STK10: variants seen among roughly 807,000 people sequenced by gnomAD.
STK10 encodes serine/threonine kinase 10.
STK10 carries 78 observed loss-of-function variants against 113.8 expected under a neutral mutation model. The observed-to-expected ratio is 0.69, with a 90% CI of 0.57 to 0.83. STK10 has a LOEUF of 0.83. Among genes scored for constraint, STK10 ranks in the 40% least tolerant of loss-of-function variants. The pLI is 0.00. For synonymous variants in STK10, 465 were observed against 494.7 expected (o/e 0.94, Z 0.80); for missense variants, 1,109 against 1,280.1 (o/e 0.87, Z 2.04).
At chr5:172,128,221 CAAAAAAAAA>C (rs35298910) in intron 2 of STK10, among the ~76,000 whole-genome samples, 131 of 77,260 alleles carry the variant, frequency 1.7e-3, no homozygotes, top group African/African-American at 1.4e-3. Context: ...GACTCCGTCT[CAAAAAAAAA>C]AAAAAAAAAA....
At chr5:172,091,128 C>T (rs887059732) in intron 9 of STK10, among the ~76,000 whole-genome samples, 1 of 152,080 alleles carries the variant, frequency 6.6e-6, no homozygotes, top group Admixed American at 6.6e-5. Context: ...ACATGGCAGG[C>T]ACACAGAGCA....
chr5:172,102,356 G>A (rs571859914), intron 7 of STK10, among the ~76,000 whole-genome samples: 41 of 152,310 alleles, frequency 2.7e-4, no homozygotes, highest in Non-Finnish European at 4.7e-4. Flanking sequence ...GCCATCGGCC[G>A]AGATGGGAAA....
intron 16 of STK10, 57 bp from the exon 17 acceptor site, chr5:172,054,751 G>C (rs1324471025): frequency 1.9e-6 from 3 of 1,599,256 alleles, no homozygotes; most frequent in Admixed American, 1.7e-5. Context: ...GGTTGGGTAG[G>C]GAGCCCCACT....
Position 172,090,305 on chromosome 5 carries a change from C to T in STK10, c.1612G>A (p.Val538Met). Residue 538 changes from valine (V) to methionine (M), a missense_variant, in exon 10 of 19, where the codon GTG (valine) becomes ATG (methionine). Transcript: ENST00000176763. Reference sequence around the variant, plus strand: ...TTGGAGGTGGTGATGCTCACCTCCACACCATCCACCACAAATTTGCGTGTC... The same window carrying T: ...TTGGAGGTGGTGATGCTCACCTCCATACCATCCACCACAAATTTGCGTGTC... The part of the protein sequence containing the change: ...KRTRKFVVDG[V>M]EVSITTSKII... The T allele has an allele frequency of 1.9e-6, 3 of 1,614,108 alleles. No individual in the cohort carries two copies. The highest frequency in any genetic ancestry group is 1.3e-5 in the African/African-American group (1 of 75,030).
chr5:172,048,835 C>CA (rs1767561240), intron 18 of STK10, among the ~76,000 whole-genome samples: 1 of 152,084 alleles, frequency 6.6e-6, no homozygotes, highest in African/African-American at 2.4e-5. Flanking sequence ...GCAGGCCCCC[C>CA]ACCCCTCTGA....
intron 2 of STK10, among the ~76,000 whole-genome samples, chr5:172,148,131 C>T (rs1770122959): frequency 6.6e-6 from 1 of 152,170 alleles, no homozygotes. Context: ...GGGTTTCCAA[C>T]CCTGGACACA....
intron 10 of STK10, among the ~76,000 whole-genome samples, chr5:172,086,960 T>C (rs1188748648): frequency 6.6e-6 from 1 of 152,136 alleles, no homozygotes; most frequent in Admixed American, 6.5e-5. Context: ...AGAACTTCAA[T>C]TGCCCAGAGG....
At chr5:172,061,394 TGGA>T (rs1389288502) in intron 13 of STK10, 126 bp from the exon 14 acceptor site, 1 of 1,382,672 alleles carries the variant, frequency 7.2e-7, no homozygotes, top group Non-Finnish European at 9.6e-7. Flanking sequence ...AAGAAATTGG[TGGA>T]GGAGAAATTT....
chr5:172,090,711 C>T (rs1053590544), intron 9 of STK10, among the ~76,000 whole-genome samples: 2 of 151,890 alleles, frequency 1.3e-5, no homozygotes, highest in Middle Eastern at 3.4e-3. Context: ...CCGAGGCAGG[C>T]GGATCACAAG....
At chr5:172,131,031 T>TG (rs1409953709) in intron 2 of STK10, among the ~76,000 whole-genome samples, 1 of 133,860 alleles carries the variant, frequency 7.5e-6, no homozygotes, top group Non-Finnish European at 1.6e-5. Context: ...TGCCATCAGC[T>TG]GTTTTTTTTT....
chr5:172,145,789 G>A (rs1268898781), intron 2 of STK10, among the ~76,000 whole-genome samples: 2 of 152,196 alleles, frequency 1.3e-5, no homozygotes, highest in Admixed American at 6.5e-5. Flanking sequence ...GTGATCACAT[G>A]GGATCACACA....
In STK10 at chr5:172,187,195, G is replaced by A. The variant is rs1013101007; in HGVS notation, c.156+692C>T. ...CCACTCCACAAAAGCTCTCTGCCGCGTCTTCCTCTAGGGGAGAGGTGACTG... is the reference window on the plus strand; with the variant it reads ...CCACTCCACAAAAGCTCTCTGCCGCATCTTCCTCTAGGGGAGAGGTGACTG... On this transcript the variant is annotated intron_variant, in intron 1 of 18. Transcript: ENST00000176763. The surrounding 1 kb of genome is among the most constrained non-coding windows in gnomAD (Gnocchi z 4.6). Among the ~76,000 whole-genome samples, 7 of 152,158 alleles carry A rather than the reference G, an allele frequency of 4.6e-5. No homozygotes were observed. The South Asian group carries it at 1.2e-3, about 27-fold the overall frequency.
chr5:172,164,046 T>C (rs1307286597), intron 1 of STK10, among the ~76,000 whole-genome samples: 2 of 151,826 alleles, frequency 1.3e-5, no homozygotes, highest in Non-Finnish European at 2.9e-5. Context: ...ACCCCACCTC[T>C]ACTAAAAATA....
intron 10 of STK10, among the ~76,000 whole-genome samples, chr5:172,088,504 A>G (rs1005285104): frequency 6.6e-6 from 1 of 152,194 alleles, no homozygotes; most frequent in Non-Finnish European, 1.5e-5. Flanking sequence ...AGCCTGAGCG[A>G]CAGAGCGAGA....
intron 4 of STK10, chr5:172,114,474 T>TATATATATATATATATATATATATA (rs55784262): frequency 3.9e-5 from 1 of 25,780 alleles, no homozygotes; most frequent in Non-Finnish European, 6.1e-5. Flanking sequence ...TATATATATA[T>TATATATATATATATATATATATATA]TTTTTTTTTT....
chr5:172,172,219 C>G (rs1369861460), intron 1 of STK10, among the ~76,000 whole-genome samples: 1 of 152,044 alleles, frequency 6.6e-6, no homozygotes, highest in Admixed American at 6.6e-5. Context: ...GCATGCACAG[C>G]CCTTCGGAGC....
chr5:172,139,198 T>C (rs941758268), intron 2 of STK10, among the ~76,000 whole-genome samples: 3 of 152,104 alleles, frequency 2.0e-5, no homozygotes, highest in African/African-American at 7.2e-5. Flanking sequence ...TATCCTAAAA[T>C]ATTATGGAAT....
rs1581196347 is a variant in STK10 at position 172,187,363 on chromosome 5, A to C, written c.156+524T>G. ...AGCCCCACCTCTCAGTCCATGGGCC[A>C]CCCCTCGCCCACCCCACTTCCCTGT... On this transcript the variant is annotated intron_variant, in intron 1 of 18. Coordinates refer to ENST00000176763, the MANE Select transcript of STK10 (RefSeq NM_005990.4). This position sits in a 1 kb window ranked among gnomAD's most constrained non-coding sequence, Gnocchi z 4.6. Among the ~76,000 whole-genome samples the C allele has an allele frequency of 6.9e-6, 1 of 145,924 alleles. No homozygotes were observed.
intron 2 of STK10, among the ~76,000 whole-genome samples, chr5:172,127,958 G>A (rs1050000031): frequency 3.9e-5 from 6 of 152,214 alleles, no homozygotes; most frequent in African/African-American, 1.4e-4. Flanking sequence ...AAAAGGGGAT[G>A]TAACTGACCA....
Sources: gnomAD v4.1 joint callset for allele counts (sites outside exome capture counted in the v4.1 genomes callset) on GRCh38, gnomAD v4.1.1 for gene constraint, Gnocchi (gnomAD v3.1) non-coding constraint, MANE v1.5 for transcripts, NCBI Gene and HGNC (gene_info 2026-07-23, HGNC 2026-07-21) for gene names.